The following FBXO9 variants were observed in gnomAD, a reference collection of about 807,000 sequenced individuals.
FBXO9 encodes F-box protein 9, also known as F-box only protein 9.
Under a neutral mutation model 63.7 loss-of-function variants are expected in FBXO9, and 43 were observed. The observed-to-expected ratio is 0.67, with a 90% CI of 0.53 to 0.87. The LOEUF (loss-of-function observed/expected upper bound fraction) is 0.87. FBXO9 is among the 40% of genes least tolerant of loss of function. The pLI is 0.00. For missense variants in FBXO9, 442 were observed against 533.2 expected, an observed-to-expected ratio of 0.83 and a Z score of 1.68; for synonymous variants, 156 against 171.7, an observed-to-expected ratio of 0.91 and a Z score of 0.72.
chr6:53,090,922 GC>G (rs1199692003), intron 7 of FBXO9: 15 of 151,962 alleles, frequency 9.9e-5, no homozygotes, highest in African/African-American at 3.6e-4. Flanking sequence ...TTGCTATATT[GC>G]CCAGGCTAGT....
rs1418111317 is a variant in FBXO9, at chr6:53,065,456, G to T, written c.-334G>T. ...GCAGCTGAGGGGGCAGCTCCGCGGC[G>T]GCGTCCGGGGTCTCCAGTAGGGCTG... On this transcript the variant is annotated 5_prime_UTR_variant, in exon 1 of 13. Coordinates refer to ENST00000323557, the MANE Select transcript of FBXO9 (RefSeq NM_033480.3). 2.4e-5 allele frequency: 7 copies of T among 292,914 alleles called. No individual in the cohort carries two copies. In the Admixed American group the frequency reaches 2.6e-4, roughly 11 times the overall value. 18.1% of individuals were successfully genotyped at this position (292,914 alleles called of 1,614,324 possible).
chr6:53,068,625 A>T (rs1181004105), intron 1 of FBXO9, among the ~76,000 whole-genome samples: 1 of 150,548 alleles, frequency 6.6e-6, no homozygotes, highest in Non-Finnish European at 1.5e-5. Context: ...AAGAAGTGAC[A>T]TCATCTTACG....
intron 2 of FBXO9, among the ~76,000 whole-genome samples, chr6:53,072,741 A>T (rs1412052520): frequency 2.0e-5 from 3 of 148,750 alleles, no homozygotes; most frequent in African/African-American, 7.4e-5. Flanking sequence ...TTTTTTTGAG[A>T]TGGAGTCTCG....
intron 3 of FBXO9, among the ~76,000 whole-genome samples, chr6:53,075,620 T>C (rs904977299): frequency 1.9e-4 from 28 of 151,072 alleles, no homozygotes; most frequent in African/African-American, 6.5e-4. Context: ...ATTTCTCTAA[T>C]GGCTTGTGAT....
At chr6:53,094,865 CCT>C in intron 11 of FBXO9, 1 of 334,234 alleles carries the variant, frequency 3.0e-6, no homozygotes, top group Admixed American at 4.1e-5. Context: ...ATTTGGAAGG[CCT>C]TAGTTGCTCA....
chr6:53,092,528 G>A lies in FBXO9; in HGVS notation c.753G>A (p.Arg251=), dbSNP rs1488977489. The change falls in exon 8 of 13, where the codon CGG becomes CGA. Residue 251 remains arginine (R), a synonymous_variant. Transcript: ENST00000323557. ...YTSWREMFLE[R]PRVRFDGVYI... ...CCTGGAGAGAGATGTTTTTAGAACGGCCTCGTGTTCGGTTTGATGGTAAGT... is the reference window on the plus strand; with the variant it reads ...CCTGGAGAGAGATGTTTTTAGAACGACCTCGTGTTCGGTTTGATGGTAAGT... 2 of 1,613,494 alleles carry A rather than the reference G, an allele frequency of 1.2e-6. No individual in the cohort carries two copies. The highest frequency in any genetic ancestry group is 2.2e-5 in the East Asian group (1 of 44,876).
rs1763272744 is a variant in FBXO9 at position 53,098,231 on chromosome 6, G to A, written c.*401G>A. ...ATCCTAATATTTCAATGCATCAGGG[G>A]AGCGCTCCACTGGATAAGCATTTTA... On this transcript the variant is annotated 3_prime_UTR_variant, in exon 13 of 13. Coordinates refer to ENST00000323557, the MANE Select transcript of FBXO9 (RefSeq NM_033480.3). The A allele has an allele frequency of 3.2e-6, 1 of 317,388 alleles. No individual in the cohort carries two copies. Among genetic ancestry groups the A allele is most frequent in the Admixed American group, 3.0e-5 (1 of 33,314 alleles). The allele number at this position is 317,388 out of a possible 1,614,324, so 19.7% of individuals were successfully genotyped here.
chr6:53,093,321 G>A (rs889509280), intron 9 of FBXO9, 145 bp from the exon 10 acceptor site: 3 of 527,106 alleles, frequency 5.7e-6, no homozygotes, highest in Non-Finnish European at 1.0e-5. Flanking sequence ...AGTAATATTT[G>A]TTTTAATGTT....
chr6:53,098,056 T>C lies in FBXO9; in HGVS notation c.*226T>C. The C allele has an allele frequency of 4.8e-6, 1 of 208,998 alleles. No homozygotes were observed. Among genetic ancestry groups the C allele is most frequent in the South Asian group, 5.9e-5 (1 of 16,996 alleles). 12.9% of individuals were successfully genotyped at this position (208,998 alleles called of 1,614,324 possible). A position where few individuals can be genotyped will look rare whatever the true frequency, so the allele number is the denominator to read the frequency against. On this transcript the variant is annotated 3_prime_UTR_variant, in exon 13 of 13. Coordinates refer to ENST00000323557, the MANE Select transcript of FBXO9 (RefSeq NM_033480.3). ...TTATTTTTTTTATTTAAAGGGATAG[T>C]TGATTCCTGGGGTGTTTTGAAATTA...
In FBXO9 at chr6:53,082,489, G is replaced by T; in HGVS notation, c.539-15G>T. The T allele has an allele frequency of 1.3e-6, 2 of 1,572,562 alleles. No individual in the cohort carries two copies. The highest frequency in any genetic ancestry group is 1.7e-6 in the Non-Finnish European group (2 of 1,144,180). ...ACATAGAGGAGAGTCACTGAAGGAT[G>T]ATTTTCTTTTGCAGTGCTGCCAATG... On this transcript the variant is annotated splice_polypyrimidine_tract_variant and intron_variant, in intron 6 of 12. Transcript: ENST00000323557.
rs1763258826 is a variant in FBXO9, at chr6:53,097,924, GTGTA to G, written c.*96_*99del. 2.2e-5 allele frequency: 2 copies of G among 91,586 alleles called. No homozygotes were observed. The highest frequency in any genetic ancestry group is 5.8e-5 in the African/African-American group (1 of 17,238). 5.7% of individuals were successfully genotyped at this position (91,586 alleles called of 1,614,324 possible). On this transcript the variant is annotated 3_prime_UTR_variant, in exon 13 of 13. Coordinates refer to ENST00000323557, the MANE Select transcript of FBXO9 (RefSeq NM_033480.3). ...TATAAATGTGTGTGTGTGCGTGTGTGTGTATATATATATATATATATATATATAT... is the reference window on the plus strand; with the variant it reads ...TATAAATGTGTGTGTGTGCGTGTGTGTATATATATATATATATATATATAT...
At position 53,098,469 on chromosome 6, in the gene FBXO9, G is replaced by A. The variant is rs1763277590; in HGVS notation, c.*639G>A. On this transcript the variant is annotated 3_prime_UTR_variant, in exon 13 of 13. Transcript: ENST00000323557. ...AGAATCATTGCCTCTAGCTGGGTGT[G>A]GTGGCATGCACCTGTAGTCCCAGCT... The A allele has an allele frequency of 6.5e-6, 1 of 153,374 alleles. No individual in the cohort carries two copies. The allele number at this position is 153,374 out of a possible 1,614,324, so 9.5% of individuals were successfully genotyped here. A position where few individuals can be genotyped will look rare whatever the true frequency, so the allele number is the denominator to read the frequency against.
At chr6:53,080,603 T>C (rs1769276250) in intron 5 of FBXO9, among the ~76,000 whole-genome samples, 1 of 152,204 alleles carries the variant, frequency 6.6e-6, no homozygotes, top group Non-Finnish European at 1.5e-5. Context: ...GATTTGGTTT[T>C]TATCCAGTTA....
chr6:53,083,308 T>C (rs1474576797), intron 7 of FBXO9, among the ~76,000 whole-genome samples: 1 of 152,228 alleles, frequency 6.6e-6, no homozygotes, highest in Non-Finnish European at 1.5e-5. Context: ...GAAGACTCTT[T>C]TTCACAATTC....
At chr6:53,076,661 C>G (rs1259642131) in intron 4 of FBXO9, 118 bp downstream of exon 4, 5 of 716,922 alleles carry the variant, frequency 7.0e-6, no homozygotes, top group Non-Finnish European at 1.0e-5. Flanking sequence ...TTAATACATT[C>G]TTCCTTCAGT....
At chr6:53,066,028 C>G in intron 1 of FBXO9, 1 of 1,218,976 alleles carries the variant, frequency 8.2e-7, no homozygotes. Flanking sequence ...CCGCCGAGCT[C>G]GATGTGAGGA....
chr6:53,070,352 A>G (rs1415408152), intron 1 of FBXO9, among the ~76,000 whole-genome samples: 2 of 152,098 alleles, frequency 1.3e-5, no homozygotes, highest in Admixed American at 1.3e-4. Flanking sequence ...ATTATAGATT[A>G]TCAGTAGTTA....
chr6:53,089,617 C>A (rs1227386322), intron 7 of FBXO9, among the ~76,000 whole-genome samples: 1 of 152,094 alleles, frequency 6.6e-6, no homozygotes, highest in African/African-American at 2.4e-5. Context: ...GCTGTAGAAA[C>A]CAAGAATACC....
At chr6:53,082,668 AGAAAG>A (rs770776077) in intron 7 of FBXO9, 50 bp downstream of exon 7, 6 of 1,287,022 alleles carry the variant, frequency 4.7e-6, no homozygotes, top group Non-Finnish European at 5.6e-6. Flanking sequence ...AATGGTGAAA[AGAAAG>A]ATGGTCCTTT....
Sources: allele counts gnomAD v4.1 joint callset (sites outside exome capture counted in the v4.1 genomes callset), GRCh38; gene constraint gnomAD v4.1.1; transcripts MANE v1.5; gene names NCBI Gene and HGNC (gene_info 2026-07-23, HGNC 2026-07-21).